Variants in ING3 observed in about 807,000 individuals in gnomAD.
ING3 encodes the protein inhibitor of growth protein 3.
ING3 carries 6 observed loss-of-function variants against 64.8 expected under a neutral mutation model. That is an observed-to-expected ratio of 0.09 (90% CI 0.05 to 0.18). The LOEUF (loss-of-function observed/expected upper bound fraction) is 0.18. Among genes scored for constraint, ING3 ranks in the 10% least tolerant of loss-of-function variants. ING3 has a pLI of 1.00. For missense variants in ING3, 310 were observed against 489.7 expected (o/e 0.63, Z 3.46); for synonymous variants, 170 against 173.7 (o/e 0.98, Z 0.17).
chr7:120,960,413 G>T (rs2525712), intron 4 of ING3, among the ~76,000 whole-genome samples: 62,207 of 151,976 alleles, frequency 0.41, 15,478 homozygotes, highest in African/African-American at 0.7. Flanking sequence ...ATTTTGTGTA[G>T]GTATGCCTTT....
chr7:120,951,498 C>A (rs553563387), intron 2 of ING3, among the ~76,000 whole-genome samples: 1 of 152,232 alleles, frequency 6.6e-6, no homozygotes, highest in Non-Finnish European at 1.5e-5. Flanking sequence ...AAAAATATTT[C>A]TCTACCGTCA....
Position 120,972,833 on chromosome 7 carries a change from T to C in ING3, c.1102-372T>C, listed in dbSNP as rs1333963430. Among the ~76,000 whole-genome samples the C allele has an allele frequency of 2.6e-5, 4 of 152,120 alleles. No individual in the cohort carries two copies. The East Asian group carries it at 7.7e-4, about 29-fold the overall frequency. On this transcript the variant is annotated intron_variant, in intron 10 of 11. Transcript: ENST00000315870. Reference sequence around the variant, plus strand: ...AAGTTTCAAGGAAGGAGACTATTAATTGCAAAAATATAAATGACCTAATGT... The same window carrying C: ...AAGTTTCAAGGAAGGAGACTATTAACTGCAAAAATATAAATGACCTAATGT...
intron 4 of ING3, among the ~76,000 whole-genome samples, chr7:120,962,344 A>C (rs1795944488): frequency 1.3e-5 from 2 of 152,006 alleles, no homozygotes; most frequent in African/African-American, 4.8e-5. Context: ...AAAGATGCCT[A>C]CCACAAGTGG....
intron 9 of ING3, among the ~76,000 whole-genome samples, chr7:120,970,111 A>G (rs1312137004): frequency 6.6e-6 from 1 of 152,120 alleles, no homozygotes; most frequent in Non-Finnish European, 1.5e-5. Context: ...ACTTTCATCA[A>G]ATGTTTTTGT....
At chr7:120,959,305 C>G (rs1795897270) in intron 4 of ING3, among the ~76,000 whole-genome samples, 1 of 152,166 alleles carries the variant, frequency 6.6e-6, no homozygotes, top group Non-Finnish European at 1.5e-5. Context: ...AAGTTTTATC[C>G]CCAACCTTTG....
chr7:120,956,494 A>G, intron 4 of ING3: 2 of 1,074,694 alleles, frequency 1.9e-6, no homozygotes, highest in Non-Finnish European at 2.3e-6. Context: ...GTAAATGCTT[A>G]TACCACAAAC....
At chr7:120,971,980 A>G (rs1796075167) in intron 10 of ING3, among the ~76,000 whole-genome samples, 1 of 152,096 alleles carries the variant, frequency 6.6e-6, no homozygotes, top group Admixed American at 6.5e-5. Context: ...TAAATACACT[A>G]GTATTATTGA....
At position 120,968,157 on chromosome 7, in the gene ING3, A is replaced by C. The variant is rs192478185; in HGVS notation, c.714+66A>C. On this transcript the variant is annotated intron_variant, in intron 8 of 11. Transcript: ENST00000315870. ...TCGGAATCATTGGAAACCTAATAGA[A>C]ATAACGGGATGTGAACAAATAGTTT... The C allele has an allele frequency of 9.3e-6, 13 of 1,399,488 alleles. No homozygotes were observed. In the East Asian group the frequency reaches 2.8e-4, roughly 31 times the overall value. 86.7% of individuals were successfully genotyped at this position (1,399,488 alleles called of 1,614,324 possible). A position where few individuals can be genotyped will look rare whatever the true frequency, so the allele number is the denominator to read the frequency against.
chr7:120,954,255 G>A (rs955030373), intron 3 of ING3, among the ~76,000 whole-genome samples: 6 of 151,912 alleles, frequency 3.9e-5, no homozygotes, highest in African/African-American at 9.7e-5. Flanking sequence ...GTGAAACCTC[G>A]TCTCTACTAA....
chr7:120,964,286 A>G (rs1795970639), intron 4 of ING3, among the ~76,000 whole-genome samples: 1 of 152,128 alleles, frequency 6.6e-6, no homozygotes, highest in African/African-American at 2.4e-5. Flanking sequence ...TTCTTTGTAG[A>G]CTGAGGATCT....
At chr7:120,969,286 A>G in intron 9 of ING3, 82 bp downstream of exon 9, 5 of 1,080,254 alleles carry the variant, frequency 4.6e-6, no homozygotes, top group Non-Finnish European at 6.7e-6. Flanking sequence ...TCTCTATGTT[A>G]AAGGCAGGAT....
chr7:120,973,270 A>T (rs1249193735), intron 11 of ING3, 27 bp downstream of exon 11: 3 of 1,435,196 alleles, frequency 2.1e-6, no homozygotes, highest in Non-Finnish European at 2.9e-6. Context: ...TCTATTTAGG[A>T]ATGAAAAAAA....
Position 120,974,904 on chromosome 7 carries a change from T to C in ING3, c.*60T>C, listed in dbSNP as rs1796115604. ...CAGCTGAAGATTTTATATAGGACTT[T>C]AAAAAGAAGAGAAGAGAAAGAAGAA... On this transcript the variant is annotated 3_prime_UTR_variant, in exon 12 of 12. Coordinates refer to ENST00000315870, the MANE Select transcript of ING3 (RefSeq NM_019071.3). 8.6e-7 allele frequency: 1 copy of C among 1,162,350 alleles called. No individual in the cohort carries two copies. Among genetic ancestry groups the C allele is most frequent in the Non-Finnish European group, 1.2e-6 (1 of 803,180 alleles). The allele number at this position is 1,162,350 out of a possible 1,614,324, so 72.0% of individuals were successfully genotyped here. A position where few individuals can be genotyped will look rare whatever the true frequency, so the allele number is the denominator to read the frequency against.
intron 5 of ING3, 57 bp from the exon 6 acceptor site, chr7:120,966,569 G>A (rs932003292): frequency 1.5e-6 from 2 of 1,305,844 alleles, no homozygotes; most frequent in Admixed American, 3.4e-5. Flanking sequence ...TGAGTGACAT[G>A]TGAAGTTCTG....
intron 5 of ING3, among the ~76,000 whole-genome samples, chr7:120,966,355 C>A (rs1052601321): frequency 2.6e-5 from 4 of 152,108 alleles, no homozygotes; most frequent in Non-Finnish European, 5.9e-5. Flanking sequence ...ATGGTGAATT[C>A]CCTAATTAGA....
intron 11 of ING3, among the ~76,000 whole-genome samples, chr7:120,973,503 A>G (rs1011249433): frequency 4.6e-5 from 7 of 152,188 alleles, no homozygotes; most frequent in Admixed American, 1.3e-4. Context: ...AAAATTATAA[A>G]TACCCTCCTT....
rs1796091718 is a variant in ING3 at position 120,973,213 on chromosome 7, T to C, written c.1110T>C (p.Tyr370=). Residue 370 remains tyrosine, a synonymous_variant, in exon 11 of 12, where the codon TAT becomes TAC. Transcript: ENST00000315870. ...TAATTTTTTTTAACTAGGTATCTTA[T>C]GGTGAGATGGTGGGATGTGATAACC... The part of the protein sequence containing the change: ...PRYCICNQVS[Y]GEMVGCDNQD... 5 of 1,538,768 alleles carry C rather than the reference T, an allele frequency of 3.2e-6. No individual in the cohort carries two copies. Among genetic ancestry groups the C allele is most frequent in the African/African-American group, 1.4e-5 (1 of 73,204 alleles).
In ING3 at chr7:120,953,417, C is replaced by G. The variant is rs1253353599; in HGVS notation, c.201+13C>G. 7 of 1,482,396 alleles carry G rather than the reference C, an allele frequency of 4.7e-6. No homozygotes were observed. Among genetic ancestry groups the G allele is most frequent in the Non-Finnish European group, 6.5e-6 (7 of 1,069,628 alleles). The allele number at this position is 1,482,396 out of a possible 1,614,324, so 91.8% of individuals were successfully genotyped here. On this transcript the variant is annotated intron_variant, in intron 3 of 11. Transcript: ENST00000315870. Reference sequence around the variant, plus strand: ...ATCCATCAAAAAAGTATGTGCAACACTTTGGATAATTTATCAAGAAATATT... The same window carrying G: ...ATCCATCAAAAAAGTATGTGCAACAGTTTGGATAATTTATCAAGAAATATT...
In ING3 at chr7:120,964,750, A is replaced by G; in HGVS notation, c.276A>G (p.Arg92=). 6.2e-7 allele frequency: 1 copy of G among 1,613,556 alleles called. No individual in the cohort carries two copies. The part of the protein sequence containing the change: ...LANQIYDLVD[R]HLRKLDQELA... ...GATCTTCTTTGAAACAGGTAGATCG[A>G]CACTTGAGAAAGCTGGATCAGGAAC... is the stretch of plus-strand genomic sequence containing the variant. Residue 92 remains arginine, a synonymous_variant, in exon 5 of 12, where the codon CGA becomes CGG. Transcript: ENST00000315870.
Sources: allele counts gnomAD v4.1 joint callset (sites outside exome capture counted in the v4.1 genomes callset), GRCh38; gene constraint gnomAD v4.1.1; transcripts MANE v1.5; gene names NCBI Gene and HGNC (gene_info 2026-07-23, HGNC 2026-07-21).